LRRC8C: variants seen among roughly 807,000 people sequenced by gnomAD.
The protein encoded by LRRC8C is volume-regulated anion channel subunit LRRC8C.
LRRC8C carries 20 observed loss-of-function variants against 55.3 expected under a neutral mutation model. The observed-to-expected ratio is 0.36, with a 90% CI of 0.25 to 0.53. The LOEUF (loss-of-function observed/expected upper bound fraction) is 0.53. Among genes scored for constraint, LRRC8C ranks in the 20% least tolerant of loss-of-function variants. LRRC8C has a pLI of 0.92. For synonymous variants in LRRC8C, 376 were observed against 360.7 expected, an observed-to-expected ratio of 1.04 and a Z score of -0.48; for missense variants, 659 against 951.4, an observed-to-expected ratio of 0.69 and a Z score of 4.04.
In LRRC8C at chr1:89,705,656, C is replaced by T. The variant is rs111385372; in HGVS notation, c.139-7053C>T. On this transcript the variant is annotated intron_variant, in intron 2 of 2. Coordinates refer to ENST00000370454, the MANE Select transcript of LRRC8C (RefSeq NM_032270.5). The stretch of plus-strand genomic sequence containing the variant: ...ATTAGCCAGGCATGGTGGTGCAGGC[C>T]CGTGGTCCCAGCCACTCAGGAGGCT... Among the ~76,000 whole-genome samples the T allele has an allele frequency of 5.5e-3, 836 of 151,890 alleles. 6 individuals are homozygous for T. The highest frequency in any genetic ancestry group is 0.019 in the African/African-American group (806 of 41,346).
chr1:89,705,315 C>G (rs1437075820), intron 2 of LRRC8C, among the ~76,000 whole-genome samples: 1 of 149,744 alleles, frequency 6.7e-6, no homozygotes, highest in Non-Finnish European at 1.5e-5. Flanking sequence ...AGAGATATAC[C>G]TAATACTAGA....
chr1:89,655,991 C>G (rs539664283), intron 1 of LRRC8C, among the ~76,000 whole-genome samples: 1 of 152,130 alleles, frequency 6.6e-6, no homozygotes, highest in African/African-American at 2.4e-5. Context: ...TTTATTATTA[C>G]GTAAAAAGGA....
intron 1 of LRRC8C, among the ~76,000 whole-genome samples, chr1:89,633,746 C>G (rs182463936): frequency 1.3e-5 from 2 of 152,324 alleles, no homozygotes; most frequent in South Asian, 4.1e-4. Flanking sequence ...CTATCACCCC[C>G]CTGCCACCTC....
rs572042838 is a variant in LRRC8C at position 89,684,863 on chromosome 1, C to T, written c.-4-1607C>T. On this transcript the variant is annotated intron_variant, in intron 1 of 2. Coordinates refer to ENST00000370454, the MANE Select transcript of LRRC8C (RefSeq NM_032270.5). ...AAAAAAGTTAAGAAAAGTTGTGTTT[C>T]AGTAAAATGAGGAAATTGTATTCTG... Among the ~76,000 whole-genome samples, 12 of 152,210 alleles carry T rather than the reference C, an allele frequency of 7.9e-5. No individual in the cohort carries two copies. In the East Asian group the frequency reaches 2.3e-3, roughly 29 times the overall value.
At chr1:89,676,264 G>A (rs987155347) in intron 1 of LRRC8C, 2 of 152,022 alleles carry the variant, frequency 1.3e-5, no homozygotes, top group Non-Finnish European at 2.9e-5. Flanking sequence ...ACAACATTTG[G>A]CCATTTTCTT....
At chr1:89,680,996 A>G (rs979019735) in intron 1 of LRRC8C, among the ~76,000 whole-genome samples, 2 of 152,260 alleles carry the variant, frequency 1.3e-5, no homozygotes, top group African/African-American at 4.8e-5. Context: ...ACACTTCCAA[A>G]GACATTACTA....
At chr1:89,652,524 C>G (rs1024471971) in intron 1 of LRRC8C, among the ~76,000 whole-genome samples, 2 of 152,160 alleles carry the variant, frequency 1.3e-5, no homozygotes, top group African/African-American at 4.8e-5. Context: ...TTGGGGCTCT[C>G]TGTCATGGGT....
chr1:89,683,078 G>T (rs1657766867), intron 1 of LRRC8C, among the ~76,000 whole-genome samples: 1 of 152,144 alleles, frequency 6.6e-6, no homozygotes, highest in African/African-American at 2.4e-5. Context: ...GAAAACTTGT[G>T]ATCACCACCA....
chr1:89,630,513 A>T (rs758472353), upstream of LRRC8C, among the ~76,000 whole-genome samples: 2 of 152,254 alleles, frequency 1.3e-5, no homozygotes, highest in Non-Finnish European at 2.9e-5. Flanking sequence ...AAGTCCAATT[A>T]GAATGTCAAA....
intron 1 of LRRC8C, among the ~76,000 whole-genome samples, chr1:89,674,502 T>C (rs1227117270): frequency 6.6e-6 from 1 of 152,218 alleles, no homozygotes; most frequent in African/African-American, 2.4e-5. Context: ...CTCCTTTAGA[T>C]ACAAAGCCTT....
At chr1:89,646,962 A>G (rs1656629735) in intron 1 of LRRC8C, among the ~76,000 whole-genome samples, 1 of 152,182 alleles carries the variant, frequency 6.6e-6, no homozygotes, top group Non-Finnish European at 1.5e-5. Flanking sequence ...GTTGACAATC[A>G]CCATGTCAAT....
chr1:89,715,041 T>A lies in LRRC8C; in HGVS notation c.*59T>A. On this transcript the variant is annotated 3_prime_UTR_variant, in exon 3 of 3. Coordinates refer to ENST00000370454, the MANE Select transcript of LRRC8C (RefSeq NM_032270.5). ...TTCTACCAAATACAGTATAAATAAT[T>A]AGGTAGTCTTAATGCCTTTCCTATT... 1 of 1,245,768 alleles carries A rather than the reference T, an allele frequency of 8.0e-7. No homozygotes were observed. The highest frequency in any genetic ancestry group is 1.1e-6 in the Non-Finnish European group (1 of 912,512). 77.2% of individuals were successfully genotyped at this position (1,245,768 alleles called of 1,614,324 possible).
intron 2 of LRRC8C, among the ~76,000 whole-genome samples, chr1:89,705,390 T>A (rs933078623): frequency 1.3e-5 from 2 of 151,272 alleles, no homozygotes; most frequent in Non-Finnish European, 2.9e-5. Context: ...AACCTGCACA[T>A]TGTGCACATG....
Position 89,714,992 on chromosome 1 carries a change from C to T in LRRC8C, c.*10C>T, listed in dbSNP as rs752455109. 19 of 1,549,614 alleles carry T rather than the reference C, an allele frequency of 1.2e-5. No homozygotes were observed. Among genetic ancestry groups the T allele is most frequent in the South Asian group, 2.5e-5 (2 of 81,170 alleles). On this transcript the variant is annotated 3_prime_UTR_variant, in exon 3 of 3. Coordinates refer to ENST00000370454, the MANE Select transcript of LRRC8C (RefSeq NM_032270.5). This position sits in a 1 kb window ranked among gnomAD's most constrained non-coding sequence, Gnocchi z 4.6. ...AATGAAAACAGAATAACTTATTTTT[C>T]GTTAAAGTTTGACTGAAACACGCTT... is the stretch of plus-strand genomic sequence containing the variant.
the LRRC8C span, chr1:89,625,078 G>T: frequency 1.3e-5 from 2 of 152,146 alleles, no homozygotes; most frequent in African/African-American, 4.8e-5. Context: ...AGGTACTTCG[G>T]GAAGATACTG....
chr1:89,705,612 T>C (rs1479566692), intron 2 of LRRC8C, among the ~76,000 whole-genome samples: 1 of 151,770 alleles, frequency 6.6e-6, no homozygotes, highest in Non-Finnish European at 1.5e-5. Flanking sequence ...AAACCCCATC[T>C]CTACAAAAAA....
chr1:89,671,513 G>T (rs1657415007), intron 1 of LRRC8C, among the ~76,000 whole-genome samples: 1 of 152,184 alleles, frequency 6.6e-6, no homozygotes, highest in Non-Finnish European at 1.5e-5. Context: ...ATGCAGGAGA[G>T]TAAAGACATG....
At chr1:89,694,210 C>A (rs1242280441) in intron 2 of LRRC8C, among the ~76,000 whole-genome samples, 1 of 151,898 alleles carries the variant, frequency 6.6e-6, no homozygotes, top group Non-Finnish European at 1.5e-5. Flanking sequence ...TTGATCTTCC[C>A]TAGAATTTTA....
Position 89,712,749 on chromosome 1 carries a change from A to G in LRRC8C, c.179A>G (p.Gln60Arg), listed in dbSNP as rs201902728. 1.9e-5 allele frequency: 30 copies of G among 1,614,206 alleles called. No individual in the cohort carries two copies. In the East Asian group the frequency reaches 4.2e-4, roughly 23 times the overall value. ...DKIICLPKRVQPAQNHSSLSN... is the reference protein window; with the variant it reads ...DKIICLPKRVRPAQNHSSLSN... Reference sequence around the variant, plus strand: ...ATAATCTGCCTTCCGAAAAGAGTGCAGCCTGCTCAGAACCACTCTTCCCTT... The same window carrying G: ...ATAATCTGCCTTCCGAAAAGAGTGCGGCCTGCTCAGAACCACTCTTCCCTT... Residue 60 changes from glutamine (Q) to arginine (R), a missense_variant, in exon 3 of 3, where the codon CAG (glutamine) becomes CGG (arginine). Transcript: ENST00000370454.
Sources: gnomAD v4.1 joint callset for allele counts (sites outside exome capture counted in the v4.1 genomes callset) on GRCh38, gnomAD v4.1.1 for gene constraint, Gnocchi (gnomAD v3.1) non-coding constraint, MANE v1.5 for transcripts, NCBI Gene and HGNC (gene_info 2026-07-23, HGNC 2026-07-21) for gene names.